KANK1: variants seen among roughly 807,000 people sequenced by gnomAD.
KANK1 encodes KN motif and ankyrin repeat domain-containing protein 1.
KANK1 carries 109 observed loss-of-function variants against 106.2 expected under a neutral mutation model. The ratio of observed to expected loss-of-function variants is 1.03; its 90% CI spans 0.88 to 1.20. The LOEUF is 1.20. Among genes scored for constraint, KANK1 ranks in the 50% most tolerant of loss-of-function variants. The pLI, the probability that KANK1 is intolerant of heterozygous loss-of-function variation, is 0.00. For synonymous variants in KANK1, 873 were observed against 652.2 expected (o/e 1.34, Z -5.16); for missense variants, 2,399 against 1,710.7 (o/e 1.40, Z -7.10).
chr9:742,147 A>T, intron 9 of KANK1, 58 bp from the exon 10 acceptor site: 2 of 1,459,682 alleles, frequency 1.4e-6, no homozygotes, highest in Non-Finnish European at 1.9e-6. Flanking sequence ...GCCCCACTAG[A>T]GGCCACCACT....
chr9:741,943 C>G (rs1835692207), intron 9 of KANK1, among the ~76,000 whole-genome samples: 1 of 152,212 alleles, frequency 6.6e-6, no homozygotes, highest in Non-Finnish European at 1.5e-5. Context: ...TAACCACCAC[C>G]TGAACTTCCA....
At chr9:729,557 C>T (rs764258816) in intron 3 of KANK1, among the ~76,000 whole-genome samples, 2 of 152,200 alleles carry the variant, frequency 1.3e-5, no homozygotes, top group African/African-American at 2.4e-5. Flanking sequence ...GTAAGGACGA[C>T]AGGAGGAGTG....
At chr9:510,503 C>G (rs1295432956) in intron 1 of KANK1, among the ~76,000 whole-genome samples, 1 of 152,102 alleles carries the variant, frequency 6.6e-6, no homozygotes, top group Non-Finnish European at 1.5e-5. Context: ...AGCTGCTTCC[C>G]CCAAAAGTAA....
intron 6 of KANK1, 83 bp from the exon 7 acceptor site, chr9:734,665 C>CAA (rs142267604): frequency 5.0e-3 from 4,571 of 909,582 alleles, no homozygotes; most frequent in Non-Finnish European, 6.5e-3. Context: ...GACCCTGTCT[C>CAA]AAAAAAAAAA....
At chr9:650,502 A>G (rs182732811) in intron 1 of KANK1, among the ~76,000 whole-genome samples, 2 of 152,268 alleles carry the variant, frequency 1.3e-5, no homozygotes, top group Admixed American at 6.5e-5. Flanking sequence ...CTGCATTTCT[A>G]ACTAGCTGTA....
At chr9:735,725 G>A (rs1317529831) in intron 7 of KANK1, 1 of 443,168 alleles carries the variant, frequency 2.3e-6, no homozygotes, top group Non-Finnish European at 4.7e-6. Flanking sequence ...CAGGTGCAGT[G>A]GCTGACACCT....
chr9:631,192 T>A (rs1429830778), intron 1 of KANK1, among the ~76,000 whole-genome samples: 1 of 152,142 alleles, frequency 6.6e-6, no homozygotes, highest in Non-Finnish European at 1.5e-5. Context: ...GGCATGAGTT[T>A]ATAAGTTGAG....
chr9:646,529 A>G (rs1300206111), intron 1 of KANK1, among the ~76,000 whole-genome samples: 1 of 150,592 alleles, frequency 6.6e-6, no homozygotes, highest in Non-Finnish European at 1.5e-5. Flanking sequence ...CTGAAGTTAT[A>G]TGCTTTCAGA....
At chr9:638,691 C>G (rs999849679) in intron 1 of KANK1, among the ~76,000 whole-genome samples, 6 of 152,160 alleles carry the variant, frequency 3.9e-5, no homozygotes, top group Non-Finnish European at 7.3e-5. Flanking sequence ...TGTTGTCTTT[C>G]ATAAACTTGT....
At chr9:550,837 G>A (rs557485550) in intron 1 of KANK1, among the ~76,000 whole-genome samples, 1 of 152,008 alleles carries the variant, frequency 6.6e-6, no homozygotes, top group South Asian at 2.1e-4. Context: ...TTCTTTCTCC[G>A]AACTGTCTAT....
At chr9:535,798 G>A (rs1445154502) in intron 1 of KANK1, among the ~76,000 whole-genome samples, 2 of 152,082 alleles carry the variant, frequency 1.3e-5, no homozygotes, top group East Asian at 1.9e-4. Context: ...TACCATGCTC[G>A]TCACAAGCAG....
intron 2 of KANK1, among the ~76,000 whole-genome samples, chr9:682,761 A>G (rs935088840): frequency 1.3e-5 from 2 of 152,054 alleles, no homozygotes; most frequent in African/African-American, 2.4e-5. Flanking sequence ...TGGGGCTTGA[A>G]TCTCGTTATC....
intron 1 of KANK1, among the ~76,000 whole-genome samples, chr9:580,190 C>T (rs1463605573): frequency 6.6e-6 from 1 of 151,728 alleles, no homozygotes; most frequent in Non-Finnish European, 1.5e-5. Flanking sequence ...TAAGGCGGCG[C>T]GTCTGGAGTT....
chr9:576,353 G>C (rs778505481), intron 1 of KANK1, among the ~76,000 whole-genome samples: 1 of 152,204 alleles, frequency 6.6e-6, no homozygotes, highest in Non-Finnish European at 1.5e-5. Flanking sequence ...TGAAGGCCCA[G>C]CATAGACAAC....
chr9:712,464 G>T lies in KANK1; in HGVS notation c.1698G>T (p.Met566Ile), dbSNP rs1383453012. 2 of 1,614,160 alleles carry T rather than the reference G, an allele frequency of 1.2e-6. No individual in the cohort carries two copies. The highest frequency in any genetic ancestry group is 1.7e-6 in the Non-Finnish European group (2 of 1,180,032). Reference sequence around the variant, plus strand: ...AAGTCGTAGGGCCTGAGCTGCCTATGAATTGGTGGATTGTTAAGGAGAGGG... The same window carrying T: ...AAGTCGTAGGGCCTGAGCTGCCTATTAATTGGTGGATTGTTAAGGAGAGGG... ...KNKVVGPELP[M>I]NWWIVKERVE... Residue 566 changes from methionine (M) to isoleucine (I), a missense_variant, in exon 3 of 12, where the codon ATG becomes ATT. By Grantham distance (10) the Met-to-Ile change is conservative. Coordinates refer to ENST00000382297, the MANE Select transcript of KANK1 (RefSeq NM_015158.5).
chr9:730,538 C>T, intron 4 of KANK1: 1 of 371,642 alleles, frequency 2.7e-6, no homozygotes, highest in Non-Finnish European at 5.2e-6. Context: ...CTAAAAAATA[C>T]AAAAATTAGC....
chr9:484,885 T>C (rs1191530946), intron 3 of KANK1, among the ~76,000 whole-genome samples: 2 of 151,946 alleles, frequency 1.3e-5, no homozygotes, highest in Admixed American at 1.3e-4. Context: ...ATGGGATTCA[T>C]CCCACCTTCA....
rs1338294371 is a variant in KANK1 at position 738,371 on chromosome 9, A to G, written c.3420A>G (p.Ile1140Met). Residue 1140 changes from isoleucine to methionine, a missense_variant, in exon 8 of 12, where the codon ATA becomes ATG. Coordinates refer to ENST00000382297, the MANE Select transcript of KANK1 (RefSeq NM_015158.5). The stretch of plus-strand genomic sequence containing the variant: ...TTCCAGCCATGGTGGGGGACTACAT[A>G]GCTGCTTTTGAGGCCATTTCCCCAG... Reference protein sequence around the residue: ...SAIPAMVGDYIAAFEAISPDV... With the variant: ...SAIPAMVGDYMAAFEAISPDV... The G allele has an allele frequency of 6.2e-7, 1 of 1,614,142 alleles. No individual in the cohort carries two copies. Among genetic ancestry groups the G allele is most frequent in the Non-Finnish European group, 8.5e-7 (1 of 1,180,022 alleles).
At chr9:606,840 G>A (rs926574968) in intron 1 of KANK1, among the ~76,000 whole-genome samples, 1 of 151,558 alleles carries the variant, frequency 6.6e-6, no homozygotes, top group African/African-American at 2.4e-5. Flanking sequence ...GCCAGGTACT[G>A]TTCTTACTAC....
Sources: gnomAD v4.1 joint callset for allele counts (sites outside exome capture counted in the v4.1 genomes callset) on GRCh38, gnomAD v4.1.1 for gene constraint, MANE v1.5 for transcripts, NCBI Gene and HGNC (gene_info 2026-07-23, HGNC 2026-07-21) for gene names.